GREM1: variants seen among roughly 807,000 people sequenced by gnomAD.
The protein encoded by GREM1 is gremlin-1.
A neutral mutation model predicts 13.1 loss-of-function variants in GREM1; 6 were observed. The ratio of observed to expected loss-of-function variants is 0.46; its 90% CI spans 0.25 to 0.91. The LOEUF (loss-of-function observed/expected upper bound fraction) is 0.91. Ranked by LOEUF, GREM1 falls within the 40% of genes least tolerant of loss-of-function variation. The probability of loss-of-function intolerance (pLI) is 0.18; values close to 1 mark genes in which losing one functional copy is unlikely to be tolerated. For missense variants in GREM1, 185 were observed against 233.9 expected, an observed-to-expected ratio of 0.79 and a Z score of 1.36; for synonymous variants, 98 against 93.7, an observed-to-expected ratio of 1.05 and a Z score of -0.27.
At position 32,734,665 on chromosome 15, in the gene GREM1, CTG is replaced by C. The variant is rs2055673992; in HGVS notation, c.*3429_*3430del. The C allele has an allele frequency of 4.2e-6, 1 of 237,406 alleles. No individual in the cohort carries two copies. 14.7% of individuals were successfully genotyped at this position (237,406 alleles called of 1,614,324 possible). ...AACTAATAAATTAAACCTATTCTTT[CTG>C]TGTGTGTGAGCGTGCGTTTGTGTTT... On this transcript the variant is annotated 3_prime_UTR_variant, in exon 2 of 2. Coordinates refer to ENST00000651154, the MANE Select transcript of GREM1 (RefSeq NM_013372.7).
At chr15:32,723,094 T>C (rs1172731134) in intron 1 of GREM1, among the ~76,000 whole-genome samples, 2 of 152,204 alleles carry the variant, frequency 1.3e-5, no homozygotes, top group East Asian at 3.8e-4. Context: ...CATAGGAACC[T>C]AAGTCTGGAT....
At chr15:32,718,617 T>C (rs2055344339) in intron 1 of GREM1, 15 of 374,160 alleles carry the variant, frequency 4.0e-5, no homozygotes, top group South Asian at 2.8e-4. Context: ...CCGCGCTGGG[T>C]CTGGGGGCGT....
chr15:32,723,285 T>C (rs542185324), intron 1 of GREM1, among the ~76,000 whole-genome samples: 4 of 152,286 alleles, frequency 2.6e-5, no homozygotes, highest in Non-Finnish European at 4.4e-5. Flanking sequence ...TTTCCTTCAC[T>C]GAAGAATCAA....
chr15:32,742,196 G>A lies in GREM1; in HGVS notation c.*10951G>A, dbSNP rs2055767925. On this transcript the variant is annotated 3_prime_UTR_variant, in exon 2 of 2. Transcript: ENST00000651154. ...AGGTAATTCTGGCTTCATAAAATAAGTTAGAAAGTGTTCTCTCTTCTTTGA... is the reference window on the plus strand; with the variant it reads ...AGGTAATTCTGGCTTCATAAAATAAATTAGAAAGTGTTCTCTCTTCTTTGA... 6.6e-6 allele frequency: 1 copy of A among 152,148 alleles called. No homozygotes were observed. Among genetic ancestry groups the A allele is most frequent in the African/African-American group, 2.4e-5 (1 of 41,440 alleles). 9.4% of individuals were successfully genotyped at this position (152,148 alleles called of 1,614,324 possible).
intron 1 of GREM1, among the ~76,000 whole-genome samples, chr15:32,723,705 T>C (rs2055451297): frequency 6.6e-6 from 1 of 151,864 alleles, no homozygotes; most frequent in African/African-American, 2.4e-5. Flanking sequence ...AAACAGAAAG[T>C]CTGTCCAAAT....
In GREM1 at chr15:32,742,006, A is replaced by T. The variant is rs1007871285; in HGVS notation, c.*10761A>T. 2.6e-5 allele frequency: 4 copies of T among 152,154 alleles called. No individual in the cohort carries two copies. Among genetic ancestry groups the T allele is most frequent in the African/African-American group, 9.6e-5 (4 of 41,456 alleles). 9.4% of individuals were successfully genotyped at this position (152,154 alleles called of 1,614,324 possible). A position where few individuals can be genotyped will look rare whatever the true frequency, so the allele number is the denominator to read the frequency against. ...TTTTCATATCTTGAAGCATACTTGC[A>T]TCCTAGGAATAAATCCCACTTTGTC... is the stretch of plus-strand genomic sequence containing the variant. On this transcript the variant is annotated 3_prime_UTR_variant, in exon 2 of 2. Transcript: ENST00000651154.
rs1311407999 is a variant in GREM1 at position 32,741,593 on chromosome 15, T to C, written c.*10348T>C. ...TTGATGGAGTCTTTAGGGTTTTCTA[T>C]GTATAAGATTATGTCATCTGCAAAC... On this transcript the variant is annotated 3_prime_UTR_variant, in exon 2 of 2. Coordinates refer to ENST00000651154, the MANE Select transcript of GREM1 (RefSeq NM_013372.7). 6.6e-6 allele frequency: 1 copy of C among 152,116 alleles called. No individual in the cohort carries two copies. The highest frequency in any genetic ancestry group is 1.5e-5 in the Non-Finnish European group (1 of 67,992). 9.4% of individuals were successfully genotyped at this position (152,116 alleles called of 1,614,324 possible).
rs2055614161 is a variant in GREM1 at position 32,731,337 on chromosome 15, A to ATTT, written c.*92_*93insTTT. The ATTT allele has an allele frequency of 1.0e-6, 1 of 990,884 alleles. No individual in the cohort carries two copies. The allele number at this position is 990,884 out of a possible 1,614,324, so 61.4% of individuals were successfully genotyped here. On this transcript the variant is annotated 3_prime_UTR_variant, in exon 2 of 2. Coordinates refer to ENST00000651154, the MANE Select transcript of GREM1 (RefSeq NM_013372.7). ...CCAGATTCTTACTTGGCTTAAACCT[A>ATTT]GAGGCCAGAAGAACCCCCAGCTGCC...
At position 32,741,646 on chromosome 15, in the gene GREM1, C is replaced by T. The variant is rs1010750830; in HGVS notation, c.*10401C>T. 14 of 151,968 alleles carry T rather than the reference C, an allele frequency of 9.2e-5. No individual in the cohort carries two copies. The highest frequency in any genetic ancestry group is 7.2e-5 in the African/African-American group (3 of 41,400). The allele number at this position is 151,968 out of a possible 1,614,324, so 9.4% of individuals were successfully genotyped here. On this transcript the variant is annotated 3_prime_UTR_variant, in exon 2 of 2. Transcript: ENST00000651154. ...CAACAATTTTACCCTTTGTTTTCAA[C>T]GTGAGCGTCTTTTATTTATTTTTCT... is the stretch of plus-strand genomic sequence containing the variant.
chr15:32,724,965 A>C (rs965886821), intron 1 of GREM1, among the ~76,000 whole-genome samples: 2 of 152,180 alleles, frequency 1.3e-5, no homozygotes, highest in Non-Finnish European at 2.9e-5. Flanking sequence ...AAAGGACATG[A>C]ACTCATCCTT....
chr15:32,724,551 A>G (rs761055978), intron 1 of GREM1, among the ~76,000 whole-genome samples: 2 of 152,238 alleles, frequency 1.3e-5, no homozygotes, highest in Non-Finnish European at 2.9e-5. Context: ...AGGCTCCTTG[A>G]GAAATTGCCA....
At chr15:32,720,352 C>T (rs1371091729) in intron 1 of GREM1, among the ~76,000 whole-genome samples, 1 of 152,122 alleles carries the variant, frequency 6.6e-6, no homozygotes, top group African/African-American at 2.4e-5. Context: ...CCGAAGATGC[C>T]TTCAGTCTGA....
At position 32,745,014 on chromosome 15, in the gene GREM1, A is replaced by G. The variant is rs998477445; in HGVS notation, c.*13769A>G. ...CACATCATTTTGTTTGGTTCTCATT[A>G]ATTTTGAGAGAAAGGCAAGATAGAT... is the stretch of plus-strand genomic sequence containing the variant. On this transcript the variant is annotated 3_prime_UTR_variant, in exon 2 of 2. Transcript: ENST00000651154. 1 of 152,154 alleles carries G rather than the reference A, an allele frequency of 6.6e-6. No homozygotes were observed. Among genetic ancestry groups the G allele is most frequent in the South Asian group, 2.1e-4 (1 of 4,822 alleles). The allele number at this position is 152,154 out of a possible 1,614,324, so 9.4% of individuals were successfully genotyped here.
chr15:32,744,951 T>C lies in GREM1; in HGVS notation c.*13706T>C, dbSNP rs2055793621. 6.6e-6 allele frequency: 1 copy of C among 152,192 alleles called. No homozygotes were observed. The highest frequency in any genetic ancestry group is 2.1e-4 in the South Asian group (1 of 4,830). The allele number at this position is 152,192 out of a possible 1,614,324, so 9.4% of individuals were successfully genotyped here. A position where few individuals can be genotyped will look rare whatever the true frequency, so the allele number is the denominator to read the frequency against. On this transcript the variant is annotated 3_prime_UTR_variant, in exon 2 of 2. Coordinates refer to ENST00000651154, the MANE Select transcript of GREM1 (RefSeq NM_013372.7). ...GTTACTTGTTAAAAACTTGATTTCGTAGATTGCTTTAAAATAAGAACAAAA... is the reference window on the plus strand; with the variant it reads ...GTTACTTGTTAAAAACTTGATTTCGCAGATTGCTTTAAAATAAGAACAAAA...
In GREM1 at chr15:32,734,024, T is replaced by C. The variant is rs2140699407; in HGVS notation, c.*2779T>C. The stretch of plus-strand genomic sequence containing the variant: ...ATTACTTCAAATCCTTTGGTCACTG[T>C]GATTTCAAGCATGTTTTCTTTTTCT... On this transcript the variant is annotated 3_prime_UTR_variant, in exon 2 of 2. Coordinates refer to ENST00000651154, the MANE Select transcript of GREM1 (RefSeq NM_013372.7). 4.1e-6 allele frequency: 1 copy of C among 242,576 alleles called. No individual in the cohort carries two copies. Among genetic ancestry groups the C allele is most frequent in the South Asian group, 1.8e-4 (1 of 5,476 alleles). 15.0% of individuals were successfully genotyped at this position (242,576 alleles called of 1,614,324 possible).
chr15:32,722,084 C>A (rs1036238294), intron 1 of GREM1, among the ~76,000 whole-genome samples: 3 of 152,212 alleles, frequency 2.0e-5, no homozygotes, highest in African/African-American at 7.2e-5. Flanking sequence ...AGACTTTATC[C>A]TCTACCTGTC....
In GREM1 at chr15:32,734,645, ATAAAT is replaced by A. The variant is rs569441556; in HGVS notation, c.*3405_*3409del. On this transcript the variant is annotated 3_prime_UTR_variant, in exon 2 of 2. Transcript: ENST00000651154. ...TATAGCCTTTGCTAAAGAGCAACTA[ATAAAT>A]TAAACCTATTCTTTCTGTGTGTGTG... 151 of 243,042 alleles carry A rather than the reference ATAAAT, an allele frequency of 6.2e-4. No homozygotes were observed. Among genetic ancestry groups the A allele is most frequent in the African/African-American group, 2.7e-3 (122 of 45,252 alleles). The allele number at this position is 243,042 out of a possible 1,614,324, so 15.1% of individuals were successfully genotyped here. A position where few individuals can be genotyped will look rare whatever the true frequency, so the allele number is the denominator to read the frequency against.
Position 32,731,735 on chromosome 15 carries a change from C to T in GREM1, c.*490C>T, listed in dbSNP as rs1178715891. 3 of 247,066 alleles carry T rather than the reference C, an allele frequency of 1.2e-5. No individual in the cohort carries two copies. The highest frequency in any genetic ancestry group is 2.5e-5 in the Non-Finnish European group (3 of 117,970). 15.3% of individuals were successfully genotyped at this position (247,066 alleles called of 1,614,324 possible). A position where few individuals can be genotyped will look rare whatever the true frequency, so the allele number is the denominator to read the frequency against. On this transcript the variant is annotated 3_prime_UTR_variant, in exon 2 of 2. Transcript: ENST00000651154. ...TTTCCTCCTCCTCCTCACAATCCAT[C>T]TCTTCTTAAGTTGATAGTGACTATG... is the stretch of plus-strand genomic sequence containing the variant.
rs770099270 is a variant in GREM1 at position 32,731,206 on chromosome 15, T to C, written c.516T>C (p.Arg172=). 13 of 1,613,844 alleles carry C rather than the reference T, an allele frequency of 8.1e-6. No individual in the cohort carries two copies. The South Asian group carries it at 1.2e-4, about 15-fold the overall frequency. Residue 172 remains arginine (R), a synonymous_variant, in exon 2 of 2, where the codon CGT becomes CGC. Coordinates refer to ENST00000651154, the MANE Select transcript of GREM1 (RefSeq NM_013372.7). Reference sequence around the variant, plus strand: ...CTACCAAGAAGAAGAGAGTCACACGTGTGAAGCAGTGTCGTTGCATATCCA... The same window carrying C: ...CTACCAAGAAGAAGAGAGTCACACGCGTGAAGCAGTGTCGTTGCATATCCA... The part of the protein sequence containing the change: ...QPPTKKKRVT[R]VKQCRCISID...
Sources: allele counts gnomAD v4.1 joint callset (sites outside exome capture counted in the v4.1 genomes callset), GRCh38; gene constraint gnomAD v4.1.1; transcripts MANE v1.5; gene names NCBI Gene and HGNC (gene_info 2026-07-23, HGNC 2026-07-21).